Variants in EIF2AK4 observed in about 807,000 individuals in gnomAD.
EIF2AK4 encodes the protein eukaryotic translation initiation factor 2 alpha kinase 4.
EIF2AK4 carries 139 observed loss-of-function variants against 211.1 expected under a neutral mutation model. The ratio of observed to expected loss-of-function variants is 0.66; its 90% CI spans 0.57 to 0.76. EIF2AK4 has a LOEUF of 0.76. Among genes scored for constraint, EIF2AK4 ranks in the 30% least tolerant of loss-of-function variants. The probability of loss-of-function intolerance (pLI) is 0.00; values close to 1 mark genes in which losing one functional copy is unlikely to be tolerated. For synonymous variants in EIF2AK4, 710 were observed against 751.3 expected, an observed-to-expected ratio of 0.94 and a Z score of 0.90; for missense variants, 1,664 against 2,043.8, an observed-to-expected ratio of 0.81 and a Z score of 3.58.
intron 30 of EIF2AK4, among the ~76,000 whole-genome samples, chr15:40,020,329 A>G (rs567601216): frequency 6.6e-6 from 1 of 150,686 alleles, no homozygotes; most frequent in African/African-American, 2.4e-5. Context: ...CTGTCTTGAA[A>G]GACTAACATA....
intron 13 of EIF2AK4, among the ~76,000 whole-genome samples, chr15:39,983,111 G>A (rs1256503605): frequency 3.3e-5 from 5 of 152,180 alleles, no homozygotes; most frequent in African/African-American, 1.2e-4. Flanking sequence ...GATCCTTGAG[G>A]AATTGCCACA....
intron 6 of EIF2AK4, among the ~76,000 whole-genome samples, chr15:39,961,511 G>T (rs1395190266): frequency 6.6e-6 from 1 of 152,128 alleles, no homozygotes; most frequent in Non-Finnish European, 1.5e-5. Context: ...CACAGCATTG[G>T]GCAGCACAGA....
chr15:40,024,987 C>T (rs141820621), intron 32 of EIF2AK4, among the ~76,000 whole-genome samples: 1 of 152,198 alleles, frequency 6.6e-6, no homozygotes, highest in Non-Finnish European at 1.5e-5. Flanking sequence ...TAAAGTTCTC[C>T]AAGGGTCCCT....
intron 30 of EIF2AK4, among the ~76,000 whole-genome samples, 167 bp downstream of exon 30, chr15:40,019,367 A>G (rs943397709): frequency 1.2e-4 from 18 of 152,350 alleles, no homozygotes; most frequent in Admixed American, 8.5e-4. Flanking sequence ...CTTGATGTCA[A>G]TCCCTGCATT....
rs115136050 is a variant in EIF2AK4, at chr15:39,983,694, G to A, written c.2320-2111G>A. ...CGACCTCAGGTGAACCGACTGCCTC[G>A]GCCTTCCACATTGCTGGGATTACAG... On this transcript the variant is annotated intron_variant, in intron 13 of 38. Transcript: ENST00000263791. Among the ~76,000 whole-genome samples the A allele has an allele frequency of 9.9e-3, 1,500 of 152,276 alleles. 28 individuals carry two copies. Among genetic ancestry groups the A allele is most frequent in the African/African-American group, 0.035 (1,448 of 41,522 alleles).
At position 40,029,482 on chromosome 15, in the gene EIF2AK4, A is replaced by G. The variant is rs2035509729; in HGVS notation, c.4561+18A>G. The G allele has an allele frequency of 1.2e-6, 2 of 1,610,768 alleles. No homozygotes were observed. The highest frequency in any genetic ancestry group is 8.5e-7 in the Non-Finnish European group (1 of 1,178,456). ...TGCTTCAGGTATAATTACTAATTAT[A>G]ATCTGAACATAATGATGCTTATATG... On this transcript the variant is annotated intron_variant, in intron 34 of 38. Coordinates refer to ENST00000263791, the MANE Select transcript of EIF2AK4 (RefSeq NM_001013703.4).
chr15:39,957,178 CTT>C (rs1315800814), intron 6 of EIF2AK4, among the ~76,000 whole-genome samples: 6 of 152,148 alleles, frequency 3.9e-5, no homozygotes, highest in Admixed American at 3.3e-4. Context: ...ATAAATAAGT[CTT>C]TTCAGATATA....
At chr15:40,025,544 G>A (rs1232995986) in intron 32 of EIF2AK4, among the ~76,000 whole-genome samples, 1 of 152,056 alleles carries the variant, frequency 6.6e-6, no homozygotes, top group African/African-American at 2.4e-5. Context: ...AGAGGGAGGA[G>A]TGGTAGATGA....
At chr15:40,010,588 G>GAAT (rs2035221868) in intron 26 of EIF2AK4, among the ~76,000 whole-genome samples, 1 of 150,354 alleles carries the variant, frequency 6.7e-6, no homozygotes, top group Non-Finnish European at 1.5e-5. Context: ...TTTTCATAAT[G>GAAT]AATAAGAGGC....
chr15:39,939,366 G>A (rs564464178), intron 1 of EIF2AK4, 139 bp from the exon 2 acceptor site: 1 of 506,558 alleles, frequency 2.0e-6, no homozygotes, highest in Non-Finnish European at 3.3e-6. Context: ...CTTTTGGAAA[G>A]TATGCCAGAT....
At chr15:39,980,140 T>G (rs1425774794) in intron 13 of EIF2AK4, among the ~76,000 whole-genome samples, 2 of 152,244 alleles carry the variant, frequency 1.3e-5, no homozygotes, top group African/African-American at 4.8e-5. Flanking sequence ...TTCCTAACTA[T>G]TCTTTCAACG....
chr15:39,947,360 A>G (rs1302949295), intron 3 of EIF2AK4, among the ~76,000 whole-genome samples: 7 of 152,222 alleles, frequency 4.6e-5, no homozygotes, highest in African/African-American at 7.2e-5. Context: ...GAATGGAAAT[A>G]AGTACTCAAA....
chr15:39,984,684 A>G (rs546709404), intron 13 of EIF2AK4, among the ~76,000 whole-genome samples: 4 of 152,182 alleles, frequency 2.6e-5, no homozygotes, highest in African/African-American at 9.6e-5. Context: ...AATGTTTGTG[A>G]TTTTTGCACA....
chr15:40,018,524 T>G (rs2140944097), intron 29 of EIF2AK4, among the ~76,000 whole-genome samples: 1 of 152,218 alleles, frequency 6.6e-6, no homozygotes, highest in East Asian at 1.9e-4. Flanking sequence ...ATGGGACATT[T>G]TTGTCCAGGC....
At chr15:40,004,704 G>A (rs1010160434) in intron 23 of EIF2AK4, among the ~76,000 whole-genome samples, 1 of 152,098 alleles carries the variant, frequency 6.6e-6, no homozygotes, top group Non-Finnish European at 1.5e-5. Flanking sequence ...GCAAGACTCT[G>A]TCTCAAAAAG....
At chr15:39,973,063 A>G (rs747883190) in intron 10 of EIF2AK4, 49 bp downstream of exon 10, 2 of 1,531,424 alleles carry the variant, frequency 1.3e-6, no homozygotes, top group Non-Finnish European at 1.8e-6. Context: ...ACATTAAATT[A>G]TTTTGAAAGT....
In EIF2AK4 at chr15:39,948,616, A is replaced by G. The variant is rs563204949; in HGVS notation, c.361-500A>G. On this transcript the variant is annotated intron_variant, in intron 3 of 38. Coordinates refer to ENST00000263791, the MANE Select transcript of EIF2AK4 (RefSeq NM_001013703.4). ...GACCAGTTACTAACAAGGAGATAATAAGGCCTTTAAATATTTGCCTCTGTA... is the reference window on the plus strand; with the variant it reads ...GACCAGTTACTAACAAGGAGATAATGAGGCCTTTAAATATTTGCCTCTGTA... Among the ~76,000 whole-genome samples, 5 of 152,356 alleles carry G rather than the reference A, an allele frequency of 3.3e-5. No homozygotes were observed. The East Asian group carries it at 9.6e-4, about 29-fold the overall frequency.
At chr15:39,945,142 A>AT (rs773618945) in intron 3 of EIF2AK4, among the ~76,000 whole-genome samples, 242 of 145,234 alleles carry the variant, frequency 1.7e-3, no homozygotes, top group Middle Eastern at 0.011. Flanking sequence ...TGTGATTTAA[A>AT]TTTTTTTTTT....
Position 39,935,977 on chromosome 15 carries a change from G to A in EIF2AK4, c.144+1638G>A, listed in dbSNP as rs77973749. Among the ~76,000 whole-genome samples the A allele has an allele frequency of 5.9e-4, 90 of 152,250 alleles. No individual in the cohort carries two copies. In the East Asian group the frequency reaches 0.014, roughly 23 times the overall value. ...CCAAACCTTGAGAATCAGGAAGTAG[G>A]CCCAAGAAGCAGCCAAAATAGGTGT... On this transcript the variant is annotated intron_variant, in intron 1 of 38. Coordinates refer to ENST00000263791, the MANE Select transcript of EIF2AK4 (RefSeq NM_001013703.4).
Sources: gnomAD v4.1 joint callset for allele counts (sites outside exome capture counted in the v4.1 genomes callset) on GRCh38, gnomAD v4.1.1 for gene constraint, MANE v1.5 for transcripts, NCBI Gene and HGNC (gene_info 2026-07-23, HGNC 2026-07-21) for gene names.